The following COL5A2 variants were observed in gnomAD, a reference collection of about 807,000 sequenced individuals.
COL5A2 encodes the protein collagen type V alpha 2 chain, also known as collagen alpha-2(V) chain.
A neutral mutation model predicts 208.2 loss-of-function variants in COL5A2; 23 were observed. The ratio of observed to expected loss-of-function variants is 0.11; its 90% CI spans 0.08 to 0.16. The LOEUF is 0.16. COL5A2 is among the 10% of genes least tolerant of loss of function. COL5A2 has a pLI of 1.00. For missense variants in COL5A2, 1,590 were observed against 1,956.4 expected (o/e 0.81, Z 3.53); for synonymous variants, 625 against 628.5 (o/e 0.99, Z 0.08).
rs756712091 is a variant in COL5A2, at chr2:189,057,392, T to C, written c.2265A>G (p.Thr755=). 6.2e-7 allele frequency: 1 copy of C among 1,612,932 alleles called. No homozygotes were observed. The highest frequency in any genetic ancestry group is 1.7e-5 in the Admixed American group (1 of 59,928). Residue 755 remains threonine, a synonymous_variant, in exon 34 of 54, where the codon ACA becomes ACG. Transcript: ENST00000374866. ...GCATACCTTGAAGACCTGGTGGGCCTGTATCTCCAGGGGTCCCAGATGGAC... is the reference window on the plus strand; with the variant it reads ...GCATACCTTGAAGACCTGGTGGGCCCGTATCTCCAGGGGTCCCAGATGGAC... ...SPGPSGTPGD[T]GPPGLQGMPG...
chr2:189,057,594 A>G (rs561075242), intron 33 of COL5A2, among the ~76,000 whole-genome samples, 167 bp from the exon 34 acceptor site: 3 of 152,350 alleles, frequency 2.0e-5, no homozygotes, highest in South Asian at 4.1e-4. Flanking sequence ...ATATTTTGAA[A>G]TTAAAAAAAC....
the COL5A2 span, among the ~76,000 whole-genome samples, chr2:189,359,469 T>C: frequency 1.2e-3 from 189 of 152,298 alleles, 4 homozygotes; most frequent in South Asian, 0.037. Flanking sequence ...TGAATTCAAT[T>C]TGTTAGTATT....
chr2:189,391,773 A>G, the COL5A2 span, among the ~76,000 whole-genome samples: 1 of 152,178 alleles, frequency 6.6e-6, no homozygotes, highest in South Asian at 2.1e-4. Flanking sequence ...AACTTGCTTC[A>G]AAAAAGATTA....
At chr2:189,282,782 A>G in the COL5A2 span, among the ~76,000 whole-genome samples, 1 of 152,168 alleles carries the variant, frequency 6.6e-6, no homozygotes, top group Non-Finnish European at 1.5e-5. Flanking sequence ...TGAGTAGAAT[A>G]TTGAGCACAA....
intron 1 of COL5A2, among the ~76,000 whole-genome samples, chr2:189,176,624 G>T (rs1480893288): frequency 6.6e-6 from 1 of 151,960 alleles, no homozygotes; most frequent in Non-Finnish European, 1.5e-5. Flanking sequence ...TAAATACACT[G>T]TAAATGCTCT....
chr2:189,333,750 T>C, the COL5A2 span, among the ~76,000 whole-genome samples: 1 of 152,024 alleles, frequency 6.6e-6, no homozygotes, highest in Non-Finnish European at 1.5e-5. Flanking sequence ...CACCAATCTA[T>C]CAGTCAAGAA....
At chr2:189,352,549 T>C in the COL5A2 span, among the ~76,000 whole-genome samples, 2 of 152,212 alleles carry the variant, frequency 1.3e-5, no homozygotes, top group Non-Finnish European at 2.9e-5. Flanking sequence ...TAATGACCAG[T>C]GATGGTAAGC....
chr2:189,079,143 G>T lies in COL5A2; in HGVS notation c.961-36C>A, dbSNP rs1396850599. 5 of 1,518,410 alleles carry T rather than the reference G, an allele frequency of 3.3e-6. No individual in the cohort carries two copies. The South Asian group carries it at 5.6e-5, about 17-fold the overall frequency. 94.1% of individuals were successfully genotyped at this position (1,518,410 alleles called of 1,614,324 possible). A position where few individuals can be genotyped will look rare whatever the true frequency, so the allele number is the denominator to read the frequency against. ...ATGAGAATACATTACAGTATGAGAA[G>T]CCTACAACCGATACATCACTTTGTT... On this transcript the variant is annotated intron_variant, in intron 14 of 53. Coordinates refer to ENST00000374866, the MANE Select transcript of COL5A2 (RefSeq NM_000393.5).
the COL5A2 span, among the ~76,000 whole-genome samples, chr2:189,296,348 T>C: frequency 2.0e-5 from 3 of 152,240 alleles, no homozygotes; most frequent in African/African-American, 7.2e-5. Context: ...TATGCCCATC[T>C]TTTAAATTTA....
At chr2:189,139,426 A>G (rs988662868) in intron 1 of COL5A2, among the ~76,000 whole-genome samples, 12 of 152,294 alleles carry the variant, frequency 7.9e-5, no homozygotes, top group Admixed American at 5.9e-4. Context: ...ATTGAGGGAC[A>G]TGGTACAAAA....
the COL5A2 span, among the ~76,000 whole-genome samples, chr2:189,371,100 T>C: frequency 1.3e-5 from 2 of 152,060 alleles, no homozygotes; most frequent in African/African-American, 4.8e-5. Flanking sequence ...CACCTCCCCC[T>C]TCCCCACATC....
intron 1 of COL5A2, among the ~76,000 whole-genome samples, chr2:189,201,866 A>T (rs1356374813): frequency 6.6e-6 from 1 of 151,942 alleles, no homozygotes; most frequent in Non-Finnish European, 1.5e-5. Flanking sequence ...TCTGAGGTAC[A>T]AAAGGAAAAC....
intron 44 of COL5A2, 44 bp downstream of exon 44, chr2:189,049,303 A>G (rs779607052): frequency 1.7e-5 from 23 of 1,337,918 alleles, no homozygotes; most frequent in Non-Finnish European, 2.3e-5. Context: ...TGTTTCCATG[A>G]CACCAGATAA....
the COL5A2 span, among the ~76,000 whole-genome samples, chr2:189,344,243 T>TGAA: frequency 6.6e-6 from 1 of 152,126 alleles, no homozygotes; most frequent in Non-Finnish European, 1.5e-5. Flanking sequence ...GGTAATCCAA[T>TGAA]GAAGGATATG....
At chr2:189,417,684 TATGAG>T in the COL5A2 span, among the ~76,000 whole-genome samples, 1 of 152,108 alleles carries the variant, frequency 6.6e-6, no homozygotes, top group African/African-American at 2.4e-5. Context: ...TGGATGAGAA[TATGAG>T]ATATTTGTCT....
chr2:189,438,246 A>G, the COL5A2 span, among the ~76,000 whole-genome samples: 1 of 151,892 alleles, frequency 6.6e-6, no homozygotes, highest in African/African-American at 2.4e-5. Flanking sequence ...AGTAACTAAA[A>G]CTTTCATACA....
intron 51 of COL5A2, among the ~76,000 whole-genome samples, chr2:189,037,763 G>A (rs563692214): frequency 6.6e-6 from 1 of 152,044 alleles, no homozygotes; most frequent in Non-Finnish European, 1.5e-5. Flanking sequence ...ATGACTCATA[G>A]AACATTAAAC....
intron 1 of COL5A2, among the ~76,000 whole-genome samples, chr2:189,196,231 C>T (rs1402101569): frequency 1.3e-5 from 2 of 151,896 alleles, no homozygotes; most frequent in Non-Finnish European, 2.9e-5. Context: ...GGTGGTGTTC[C>T]ATTGATCTTC....
rs1688879990 is a variant in COL5A2, at chr2:189,188,260, T to C, written c.-42+36888A>G. Among the ~76,000 whole-genome samples, 4 of 152,158 alleles carry C rather than the reference T, an allele frequency of 2.6e-5. No individual in the cohort carries two copies. The South Asian group carries it at 6.2e-4, about 24-fold the overall frequency. ...ATTTGGAGTCAATCTCTTTCTTCCA[T>C]TCCCATCCCTGGCACCATTGAACTG... On this transcript the variant is annotated intron_variant, in intron 1 of 10. Transcript: ENST00000649966.
Sources: gnomAD v4.1 joint callset for allele counts (sites outside exome capture counted in the v4.1 genomes callset) on GRCh38, gnomAD v4.1.1 for gene constraint, MANE v1.5 for transcripts, NCBI Gene and HGNC (gene_info 2026-07-23, HGNC 2026-07-21) for gene names.